Variants in DAB2 observed in about 807,000 individuals in gnomAD.
DAB2 encodes the protein DAB adaptor protein 2.
Under a neutral mutation model 71.6 loss-of-function variants are expected in DAB2, and 28 were observed. The ratio of observed to expected loss-of-function variants is 0.39; its 90% CI spans 0.29 to 0.54. The LOEUF is 0.54. Among genes scored for constraint, DAB2 ranks in the 20% least tolerant of loss-of-function variants. DAB2 has a pLI of 0.68. For missense variants in DAB2, 867 were observed against 928.8 expected (o/e 0.93, Z 0.86); for synonymous variants, 345 against 339.7 (o/e 1.02, Z -0.17).
chr5:39,377,114 G>A lies in DAB2; in HGVS notation c.1673C>T (p.Pro558Leu). The A allele has an allele frequency of 6.2e-7, 1 of 1,614,140 alleles. No individual in the cohort carries two copies. Among genetic ancestry groups the A allele is most frequent in the Non-Finnish European group, 8.5e-7 (1 of 1,180,016 alleles). Residue 558 changes from proline (P) to leucine (L), a missense_variant, in exon 12 of 15, where the codon CCT (proline) becomes CTT (leucine). Around this residue, in one of 2 missense-constraint regions of DAB2, gnomAD observed 740 missense variants for 734.3 expected, o/e 1.01. Coordinates refer to ENST00000320816, the MANE Select transcript of DAB2 (RefSeq NM_001343.4). ...GGGAGTTGAGGCTGCAAAGGGTGAA[G>A]GCTGGTTCCAACCTGAAACAGCTGG... ...TSPAVSGWNQ[P>L]SPFAASTPPP... is the part of the protein sequence containing the mutation.
intron 10 of DAB2, among the ~76,000 whole-genome samples, chr5:39,382,213 T>C (rs1405743866): frequency 2.6e-5 from 4 of 152,178 alleles, no homozygotes; most frequent in African/African-American, 9.6e-5. Flanking sequence ...ACCACCACCA[T>C]GGACACTGAT....
At position 39,379,274 on chromosome 5, in the gene DAB2, C is replaced by T. The variant is rs376671948; in HGVS notation, c.1505-1992G>A. On this transcript the variant is annotated intron_variant, in intron 11 of 14. Coordinates refer to ENST00000320816, the MANE Select transcript of DAB2 (RefSeq NM_001343.4). ...TTCAGAACCAACCTGGCCAACGTGG[C>T]GAAACCCTGTCTCTACTAACATACA... is the stretch of plus-strand genomic sequence containing the variant. 1.4e-3 allele frequency among the ~76,000 whole-genome samples: 209 copies of T among 151,876 alleles called. 10 individuals carry two copies. The South Asian group carries it at 0.04, about 29-fold the overall frequency.
chr5:39,395,937 C>CTTTTTTTTT (rs3024228), intron 1 of DAB2, among the ~76,000 whole-genome samples: 2,740 of 74,824 alleles, frequency 0.037, 661 homozygotes, highest in African/African-American at 0.055. Context: ...CACAGATATT[C>CTTTTTTTTT]TTTTTTTTTT....
At chr5:39,394,446 T>C (rs1459561192) in intron 1 of DAB2, 25 bp from the exon 2 acceptor site, 3 of 726,646 alleles carry the variant, frequency 4.1e-6, no homozygotes, top group Non-Finnish European at 7.4e-6. Flanking sequence ...TAGAGGCATA[T>C]TGAGATCAGA....
chr5:39,386,256 A>G (rs1265826871), intron 9 of DAB2, among the ~76,000 whole-genome samples: 2 of 152,236 alleles, frequency 1.3e-5, no homozygotes, highest in Non-Finnish European at 2.9e-5. Context: ...TTGCAACATG[A>G]GCATTATTTG....
chr5:39,400,233 CT>C (rs376493709), intron 1 of DAB2, among the ~76,000 whole-genome samples: 4,865 of 146,442 alleles, frequency 0.033, 98 homozygotes, highest in South Asian at 0.088. Flanking sequence ...ATGTGTCTCT[CT>C]TTTTTTTTTT....
Position 39,382,660 on chromosome 5 carries a change from A to C in DAB2, c.1299T>G (p.Pro433=), listed in dbSNP as rs1345048609. 6.2e-7 allele frequency: 1 copy of C among 1,614,108 alleles called. No individual in the cohort carries two copies. Among genetic ancestry groups the C allele is most frequent in the Admixed American group, 1.7e-5 (1 of 60,018 alleles). The change falls in exon 10 of 15, where the codon CCT becomes CCG. Residue 433 remains proline (P), a synonymous_variant. Transcript: ENST00000320816. Reference sequence around the variant, plus strand: ...CTCTTCCTGGTTTGGTACTTTGTGGAGGTGGGATAATGGCTATGGAGTCAT... The same window carrying C: ...CTCTTCCTGGTTTGGTACTTTGTGGCGGTGGGATAATGGCTATGGAGTCAT... ...SPHDSIAIIP[P]PQSTKPGRGR...
chr5:39,409,853 A>T (rs2112096581), intron 1 of DAB2, among the ~76,000 whole-genome samples: 1 of 152,332 alleles, frequency 6.6e-6, no homozygotes, highest in African/African-American at 2.4e-5. Flanking sequence ...TGACCTCTAC[A>T]GATAAGATTA....
chr5:39,374,889 G>C lies in DAB2; in HGVS notation c.*5+125C>G, dbSNP rs955865585. 8 of 682,936 alleles carry C rather than the reference G, an allele frequency of 1.2e-5. No homozygotes were observed. In the Admixed American group the frequency reaches 2.3e-4, roughly 20 times the overall value. 42.3% of individuals were successfully genotyped at this position (682,936 alleles called of 1,614,324 possible). A position where few individuals can be genotyped will look rare whatever the true frequency, so the allele number is the denominator to read the frequency against. Reference sequence around the variant, plus strand: ...TGATCTCAGTAGAGATTTTCCTGTCGATTACTCCTAAATTATAGATATTTA... The same window carrying C: ...TGATCTCAGTAGAGATTTTCCTGTCCATTACTCCTAAATTATAGATATTTA... On this transcript the variant is annotated intron_variant, in intron 14 of 14. Transcript: ENST00000320816.
intron 1 of DAB2, among the ~76,000 whole-genome samples, chr5:39,410,405 A>G (rs1755695886): frequency 6.6e-6 from 1 of 152,154 alleles, no homozygotes; most frequent in African/African-American, 2.4e-5. Context: ...TCTTAACTTT[A>G]TATTAATATG....
intron 4 of DAB2, among the ~76,000 whole-genome samples, chr5:39,390,831 G>A (rs1755210334): frequency 6.6e-6 from 1 of 152,160 alleles, no homozygotes; most frequent in South Asian, 2.1e-4. Flanking sequence ...CTGCTTTAAA[G>A]ACATGATGCC....
intron 7 of DAB2, 61 bp downstream of exon 7, chr5:39,389,036 G>T (rs888030597): frequency 5.8e-6 from 9 of 1,541,468 alleles, no homozygotes; most frequent in Non-Finnish European, 8.1e-6. Flanking sequence ...TGGGCAGGTA[G>T]AAAACAGGGG....
At chr5:39,411,468 G>A (rs529122372) in intron 1 of DAB2, among the ~76,000 whole-genome samples, 58 of 151,974 alleles carry the variant, frequency 3.8e-4, no homozygotes, top group Non-Finnish European at 8.1e-4. Context: ...ATTAGATAGG[G>A]GCTCCATTTG....
In DAB2 at chr5:39,392,450, G is replaced by A; in HGVS notation, c.245C>T (p.Ala82Val). The stretch of plus-strand genomic sequence containing the variant: ...TTTGTGTTGTCCCTGAGACCGACCA[G>A]CTGCCGCCATTCCCTGATGAGGGTG... ...SMMKLKGMAA[A>V]GRSQGQHKQR... Residue 82 changes from alanine to valine, a missense_variant, in exon 4 of 15, where the codon GCT becomes GTT. By Grantham distance (64) the Ala-to-Val change is moderately conservative (BLOSUM62 0). This residue lies in a region of DAB2 where 127 missense variants were observed against 194.4 expected (regional missense o/e 0.65). Coordinates refer to ENST00000320816, the MANE Select transcript of DAB2 (RefSeq NM_001343.4). 5 of 1,613,580 alleles carry A rather than the reference G, an allele frequency of 3.1e-6. No individual in the cohort carries two copies. Among genetic ancestry groups the A allele is most frequent in the East Asian group, 2.2e-5 (1 of 44,876 alleles).
chr5:39,395,848 T>C (rs1326728920), intron 1 of DAB2, among the ~76,000 whole-genome samples: 2 of 151,646 alleles, frequency 1.3e-5, no homozygotes, highest in African/African-American at 4.8e-5. Flanking sequence ...AACCTTTTAA[T>C]TGTATAACTT....
intron 1 of DAB2, among the ~76,000 whole-genome samples, chr5:39,402,143 G>A (rs1004789870): frequency 2.0e-5 from 3 of 151,994 alleles, no homozygotes; most frequent in Non-Finnish European, 4.4e-5. Flanking sequence ...GGGGGAAACT[G>A]CCCCCATGAT....
chr5:39,387,594 T>C (rs1375798199), intron 9 of DAB2: 1 of 152,168 alleles, frequency 6.6e-6, no homozygotes, highest in Admixed American at 6.6e-5. Context: ...CAAGAAGTCA[T>C]TCAAAATGTC....
At position 39,377,147 on chromosome 5, in the gene DAB2, C is replaced by A; in HGVS notation, c.1640G>T (p.Gly547Val). 1 of 1,614,048 alleles carries A rather than the reference C, an allele frequency of 6.2e-7. No homozygotes were observed. Among genetic ancestry groups the A allele is most frequent in the Non-Finnish European group, 8.5e-7 (1 of 1,180,008 alleles). ...PSGFSQPVIFGTSPAVSGWNQ... is the reference protein window; with the variant it reads ...PSGFSQPVIFVTSPAVSGWNQ... Reference sequence around the variant, plus strand: ...CCAACCTGAAACAGCTGGACTTGTACCAAAAATGACGGGCTGACTAAAACC... The same window carrying A: ...CCAACCTGAAACAGCTGGACTTGTAACAAAAATGACGGGCTGACTAAAACC... The change falls in exon 12 of 15, where the codon GGT (glycine) becomes GTT (valine). Residue 547 changes from glycine (G) to valine (V), a missense_variant. Transcript: ENST00000320816.
At chr5:39,378,183 TC>T (rs1167052106) in intron 11 of DAB2, among the ~76,000 whole-genome samples, 3 of 152,190 alleles carry the variant, frequency 2.0e-5, no homozygotes, top group Non-Finnish European at 4.4e-5. Context: ...CATCAGGAAT[TC>T]GTTAAATCGC....
Sources: allele counts gnomAD v4.1 joint callset (sites outside exome capture counted in the v4.1 genomes callset), GRCh38; gene constraint gnomAD v4.1.1; regional missense constraint gnomAD v4.1.1; transcripts MANE v1.5; gene names NCBI Gene and HGNC (gene_info 2026-07-23, HGNC 2026-07-21).